Variants in MCC observed in about 807,000 individuals in gnomAD.
The protein encoded by MCC is colorectal mutant cancer protein.
Under a neutral mutation model 116.2 loss-of-function variants are expected in MCC, and 90 were observed. That is an observed-to-expected ratio of 0.77 (90% CI 0.65 to 0.92). MCC has a LOEUF of 0.92. Among genes scored for constraint, MCC ranks in the 40% least tolerant of loss-of-function variants. The pLI is 0.00. For synonymous variants in MCC, 578 were observed against 510.5 expected (o/e 1.13, Z -1.78); for missense variants, 1,516 against 1,312.2 (o/e 1.16, Z -2.40).
intron 1 of MCC, among the ~76,000 whole-genome samples, chr5:113,476,142 A>G (rs1464120817): frequency 6.6e-6 from 1 of 152,240 alleles, no homozygotes; most frequent in East Asian, 1.9e-4. Context: ...TACAGATTCA[A>G]CACAATCCTT....
chr5:113,216,250 A>G (rs1173389010), intron 3 of MCC, among the ~76,000 whole-genome samples: 2 of 152,124 alleles, frequency 1.3e-5, no homozygotes, highest in Non-Finnish European at 1.5e-5. Context: ...CCCTTGCCCT[A>G]CCTATTATAA....
intron 3 of MCC, among the ~76,000 whole-genome samples, chr5:113,276,073 G>C (rs1845289): frequency 6.6e-6 from 1 of 151,156 alleles, no homozygotes; most frequent in Admixed American, 6.6e-5. Flanking sequence ...AGGCCACAGT[G>C]GCCACATTGA....
chr5:113,207,355 C>T (rs996684716), intron 3 of MCC, among the ~76,000 whole-genome samples: 1 of 150,016 alleles, frequency 6.7e-6, no homozygotes, highest in Non-Finnish European at 1.5e-5. Context: ...GCATCCAGTA[C>T]GTATTAGCTA....
intron 3 of MCC, among the ~76,000 whole-genome samples, chr5:113,312,997 C>T (rs1020154612): frequency 9.9e-5 from 15 of 152,078 alleles, no homozygotes; most frequent in African/African-American, 3.4e-4. Flanking sequence ...AAGAGAGACA[C>T]ACAAAAAACA....
chr5:113,254,128 T>C (rs370949314), intron 3 of MCC, among the ~76,000 whole-genome samples: 3 of 152,252 alleles, frequency 2.0e-5, no homozygotes. Context: ...CCATCAAAGG[T>C]ACGAGGGTCA....
chr5:113,027,050 C>A lies in MCC; in HGVS notation c.*252G>T. 2.2e-6 allele frequency: 1 copy of A among 451,904 alleles called. No individual in the cohort carries two copies. The highest frequency in any genetic ancestry group is 4.7e-5 in the South Asian group (1 of 21,268). The allele number at this position is 451,904 out of a possible 1,614,324, so 28.0% of individuals were successfully genotyped here. ...AAAGCAGAAACGAGGCTCTGCTGAG[C>A]AGGCACAGAACATGTGTTTACACGC... On this transcript the variant is annotated 3_prime_UTR_variant, in exon 19 of 19. Transcript: ENST00000408903.
At chr5:113,234,151 T>C (rs1764047098) in intron 3 of MCC, among the ~76,000 whole-genome samples, 1 of 152,186 alleles carries the variant, frequency 6.6e-6, no homozygotes, top group Non-Finnish European at 1.5e-5. Context: ...TGATAGTTTG[T>C]GAAAATGAAA....
intron 14 of MCC, among the ~76,000 whole-genome samples, chr5:113,058,003 G>C (rs1752957016): frequency 6.6e-6 from 1 of 152,166 alleles, no homozygotes; most frequent in African/African-American, 2.4e-5. Context: ...GTAAACCTGG[G>C]ACACAGGGTG....
At chr5:113,377,654 C>T (rs1318646245) in intron 2 of MCC, among the ~76,000 whole-genome samples, 1 of 152,124 alleles carries the variant, frequency 6.6e-6, no homozygotes, top group Non-Finnish European at 1.5e-5. Flanking sequence ...GAATTAGGGA[C>T]TCCTCAAGGA....
chr5:113,377,813 A>G (rs1402928363), intron 2 of MCC, among the ~76,000 whole-genome samples: 1 of 152,232 alleles, frequency 6.6e-6, no homozygotes, highest in East Asian at 1.9e-4. Context: ...CATTACTTAA[A>G]GACTTTAAAG....
At chr5:113,086,933 T>C (rs1213894811) in intron 8 of MCC, among the ~76,000 whole-genome samples, 2 of 152,234 alleles carry the variant, frequency 1.3e-5, no homozygotes, top group Non-Finnish European at 2.9e-5. Context: ...AAGATCTGCA[T>C]GTCTAGTAAG....
intron 3 of MCC, among the ~76,000 whole-genome samples, chr5:113,247,407 G>C (rs1423486925): frequency 6.6e-6 from 1 of 152,196 alleles, no homozygotes; most frequent in Non-Finnish European, 1.5e-5. Context: ...AGAAAACTAA[G>C]TGAAGAGTAA....
intron 3 of MCC, chr5:113,234,553 G>A (rs1045593968): frequency 3.3e-5 from 5 of 152,072 alleles, no homozygotes; most frequent in South Asian, 2.1e-4. Flanking sequence ...CCCCCTAGAC[G>A]GGCTTTTTAC....
chr5:113,140,132 C>A (rs1759093434), intron 5 of MCC, among the ~76,000 whole-genome samples: 1 of 152,162 alleles, frequency 6.6e-6, no homozygotes, highest in South Asian at 2.1e-4. Flanking sequence ...TTACTTGTAT[C>A]TTTCCAAGTT....
In MCC at chr5:113,117,958, A is replaced by T. The variant is rs145392446; in HGVS notation, c.1027+4726T>A. On this transcript the variant is annotated intron_variant, in intron 6 of 18. Coordinates refer to ENST00000408903, the MANE Select transcript of MCC (RefSeq NM_001085377.2). The stretch of plus-strand genomic sequence containing the variant: ...CTCAAAGGACTGCAGTAAGCAAATG[A>T]CATCAACCACTGGCATGTCTTCCTG... Among the ~76,000 whole-genome samples the T allele has an allele frequency of 5.3e-4, 80 of 152,354 alleles. 2 individuals are homozygous for T. The highest frequency in any genetic ancestry group is 1.6e-3 in the African/African-American group (65 of 41,576).
At chr5:113,113,702 G>C (rs1023539826) in intron 6 of MCC, among the ~76,000 whole-genome samples, 4 of 137,654 alleles carry the variant, frequency 2.9e-5, no homozygotes, top group Non-Finnish European at 6.2e-5. Context: ...AAAACAATCA[G>C]ATCATCAGAT....
chr5:113,410,784 G>T (rs1769968583), intron 1 of MCC, among the ~76,000 whole-genome samples: 1 of 152,144 alleles, frequency 6.6e-6, no homozygotes, highest in South Asian at 2.1e-4. Context: ...AGGCCCTGGT[G>T]TGCGATGTTC....
chr5:113,429,903 T>C (rs1464793568), intron 1 of MCC, among the ~76,000 whole-genome samples: 2 of 152,218 alleles, frequency 1.3e-5, no homozygotes, highest in African/African-American at 4.8e-5. Context: ...GAGATAATCC[T>C]GTGGGTGGGA....
Position 113,458,927 on chromosome 5 carries a change from T to C in MCC, c.170+29318A>G, listed in dbSNP as rs775062459. On this transcript the variant is annotated intron_variant, in intron 1 of 18. Coordinates refer to ENST00000408903, the MANE Select transcript of MCC (RefSeq NM_001085377.2). ...CAAAGGTTCAGAAGATGAAAGGGCT[T>C]TCACCTCAGCAAAGTGGAACTGATA... Among the ~76,000 whole-genome samples the C allele has an allele frequency of 1.3e-4, 20 of 152,174 alleles. 1 individual carries two copies. The highest frequency in any genetic ancestry group is 2.1e-4 in the Non-Finnish European group (14 of 68,024).
Sources: gnomAD v4.1 joint callset for allele counts (sites outside exome capture counted in the v4.1 genomes callset) on GRCh38, gnomAD v4.1.1 for gene constraint, MANE v1.5 for transcripts, NCBI Gene and HGNC (gene_info 2026-07-23, HGNC 2026-07-21) for gene names.